The following DCC variants were observed in gnomAD, a reference collection of about 807,000 sequenced individuals.
The protein encoded by DCC is netrin receptor DCC.
Under a neutral mutation model 172.5 loss-of-function variants are expected in DCC, and 58 were observed. The observed-to-expected ratio is 0.34, with a 90% confidence interval of 0.27 to 0.42. DCC has a LOEUF of 0.42. Among genes scored for constraint, DCC ranks in the 10% least tolerant of loss-of-function variants. The pLI is 1.00. For synonymous variants in DCC, 709 were observed against 644.5 expected, an observed-to-expected ratio of 1.10 and a Z score of -1.52; for missense variants, 1,740 against 1,791.0, an observed-to-expected ratio of 0.97 and a Z score of 0.51.
At chr18:52,801,193 A>G (rs1404559664) in intron 2 of DCC, among the ~76,000 whole-genome samples, 1 of 151,966 alleles carries the variant, frequency 6.6e-6, no homozygotes, top group Non-Finnish European at 1.5e-5. Context: ...ATAGAAGTAC[A>G]CTCTTCCCTA....
intron 1 of DCC, among the ~76,000 whole-genome samples, chr18:52,599,675 G>A (rs1467683643): frequency 6.6e-6 from 1 of 152,018 alleles, no homozygotes; most frequent in African/African-American, 2.4e-5. Flanking sequence ...TACCACGCCT[G>A]ACTAATTTTT....
intron 7 of DCC, among the ~76,000 whole-genome samples, chr18:53,073,442 A>G (rs60237858): frequency 0.16 from 24,397 of 152,000 alleles, 2,451 homozygotes; most frequent in African/African-American, 0.27. Flanking sequence ...GGAGAATGGT[A>G]TGAAACCTGG....
intron 1 of DCC, among the ~76,000 whole-genome samples, chr18:52,690,427 A>G (rs975697933): frequency 6.6e-6 from 1 of 152,182 alleles, no homozygotes; most frequent in Non-Finnish European, 1.5e-5. Context: ...TTGCACAGGT[A>G]AAGAGGTTTG....
At chr18:52,728,480 A>C (rs2036587591) in intron 1 of DCC, among the ~76,000 whole-genome samples, 1 of 152,150 alleles carries the variant, frequency 6.6e-6, no homozygotes, top group South Asian at 2.1e-4. Flanking sequence ...TGAAAATATA[A>C]AGATCATTGT....
At chr18:53,072,995 A>G (rs901173816) in intron 7 of DCC, among the ~76,000 whole-genome samples, 5 of 152,244 alleles carry the variant, frequency 3.3e-5, no homozygotes, top group African/African-American at 9.6e-5. Flanking sequence ...AGCAAGACAC[A>G]TATCACATCT....
At chr18:52,526,327 A>G (rs1168103938) in intron 1 of DCC, among the ~76,000 whole-genome samples, 5 of 152,148 alleles carry the variant, frequency 3.3e-5, no homozygotes, top group Non-Finnish European at 7.4e-5. Flanking sequence ...AATATTGAGT[A>G]TGGTGAATTA....
chr18:52,396,539 C>T (rs1225878647), intron 1 of DCC, among the ~76,000 whole-genome samples: 2 of 151,944 alleles, frequency 1.3e-5, no homozygotes, highest in East Asian at 1.9e-4. Context: ...GATTTAGTCC[C>T]GAGGTGGCCT....
chr18:52,992,417 G>A (rs988455923), intron 5 of DCC, among the ~76,000 whole-genome samples: 1 of 152,160 alleles, frequency 6.6e-6, no homozygotes, highest in African/African-American at 2.4e-5. Flanking sequence ...AAACCGTTTT[G>A]GGGAGATGAA....
At chr18:52,773,685 C>T (rs1038189803) in intron 2 of DCC, among the ~76,000 whole-genome samples, 1 of 152,160 alleles carries the variant, frequency 6.6e-6, no homozygotes, top group Non-Finnish European at 1.5e-5. Context: ...TGCCACCACA[C>T]CTGGCTAATT....
intron 1 of DCC, among the ~76,000 whole-genome samples, chr18:52,681,968 G>T (rs1243655421): frequency 1.3e-5 from 2 of 152,044 alleles, no homozygotes; most frequent in Admixed American, 1.3e-4. Flanking sequence ...AATCTAGAGG[G>T]TTAATAAATG....
chr18:53,510,735 A>G (rs1407009781), intron 27 of DCC, among the ~76,000 whole-genome samples: 6 of 152,212 alleles, frequency 3.9e-5, no homozygotes, highest in Admixed American at 6.5e-5. Context: ...TTTAAACTGG[A>G]ACAAGTCTAG....
chr18:52,975,537 G>A (rs1439381112), intron 5 of DCC, among the ~76,000 whole-genome samples: 1 of 152,084 alleles, frequency 6.6e-6, no homozygotes. Flanking sequence ...ATAGGCCCCA[G>A]TGTGTGTTTT....
intron 3 of DCC, among the ~76,000 whole-genome samples, chr18:52,916,835 C>A (rs545483311): frequency 2.6e-5 from 4 of 152,130 alleles, no homozygotes; most frequent in Non-Finnish European, 5.9e-5. Context: ...AACAACATAA[C>A]AGAACAATGT....
At chr18:52,660,911 C>T (rs928684140) in intron 1 of DCC, among the ~76,000 whole-genome samples, 20 of 152,142 alleles carry the variant, frequency 1.3e-4, no homozygotes, top group African/African-American at 4.6e-4. Flanking sequence ...GGATCATGCA[C>T]CACTGATGTT....
intron 5 of DCC, among the ~76,000 whole-genome samples, chr18:52,978,179 T>C (rs1173436852): frequency 6.6e-6 from 1 of 151,816 alleles, no homozygotes; most frequent in African/African-American, 2.4e-5. Flanking sequence ...TATTAAGAAG[T>C]GGAAAACATA....
intron 5 of DCC, among the ~76,000 whole-genome samples, chr18:52,935,526 T>C (rs960260798): frequency 1.3e-5 from 2 of 152,152 alleles, no homozygotes; most frequent in Non-Finnish European, 2.9e-5. Context: ...AGAAAACATA[T>C]ACTTCAAAAT....
At chr18:53,092,484 A>G (rs2043028394) in intron 7 of DCC, among the ~76,000 whole-genome samples, 1 of 152,218 alleles carries the variant, frequency 6.6e-6, no homozygotes, top group African/African-American at 2.4e-5. Flanking sequence ...ATTAAAGCAT[A>G]TAAAATATAT....
intron 28 of DCC, 166 bp downstream of exon 28, chr18:53,526,925 G>GGAAAT (rs2046462987): frequency 5.8e-6 from 4 of 692,556 alleles, no homozygotes; most frequent in Admixed American, 2.6e-5. Context: ...AATATGAAGA[G>GGAAAT]GAAATAAAAG....
intron 15 of DCC, among the ~76,000 whole-genome samples, chr18:53,346,050 G>T (rs1261441443): frequency 6.6e-6 from 1 of 152,030 alleles, no homozygotes; most frequent in African/African-American, 2.4e-5. Context: ...TTGGAGTACA[G>T]TGGAGCTCTC....
Sources: gnomAD v4.1 joint callset for allele counts (sites outside exome capture counted in the v4.1 genomes callset) on GRCh38, gnomAD v4.1.1 for gene constraint, MANE v1.5 for transcripts, NCBI Gene and HGNC (gene_info 2026-07-23, HGNC 2026-07-21) for gene names.